UBAC2: variants seen among roughly 807,000 people sequenced by gnomAD.
UBAC2 encodes UBA domain containing 2.
In UBAC2, 26 loss-of-function variants were observed where a neutral mutation model predicts 44.0. That is an observed-to-expected ratio of 0.59 (90% CI 0.43 to 0.82). The LOEUF is 0.82. UBAC2 is among the 40% of genes least tolerant of loss of function. The probability of loss-of-function intolerance (pLI) is 0.00; values close to 1 mark genes in which losing one functional copy is unlikely to be tolerated. For missense variants in UBAC2, 329 were observed against 419.4 expected, an observed-to-expected ratio of 0.78 and a Z score of 1.88; for synonymous variants, 155 against 154.3, an observed-to-expected ratio of 1.00 and a Z score of -0.04.
At chr13:99,271,646 G>A (rs2043817311) in intron 4 of UBAC2, among the ~76,000 whole-genome samples, 1 of 152,132 alleles carries the variant, frequency 6.6e-6, no homozygotes, top group African/African-American at 2.4e-5. Flanking sequence ...TACATACTTA[G>A]AGTTTTTAAA....
At chr13:99,328,133 G>C (rs543382716) in intron 6 of UBAC2, among the ~76,000 whole-genome samples, 1 of 152,170 alleles carries the variant, frequency 6.6e-6, no homozygotes, top group South Asian at 2.1e-4. Flanking sequence ...TCTTTCACTT[G>C]AACATGAAAA....
chr13:99,337,591 A>T (rs1337578624), intron 6 of UBAC2, among the ~76,000 whole-genome samples: 1 of 152,006 alleles, frequency 6.6e-6, no homozygotes, highest in Admixed American at 6.5e-5. Context: ...TTCTTTCTTT[A>T]TTCTAGAAAA....
chr13:99,342,392 G>A (rs1193866555), intron 7 of UBAC2, among the ~76,000 whole-genome samples: 1 of 152,116 alleles, frequency 6.6e-6, no homozygotes, highest in African/African-American at 2.4e-5. Flanking sequence ...GCAAGGGGTG[G>A]GAGACAGTGT....
At chr13:99,215,637 G>T (rs768253462) in intron 1 of UBAC2, 1 of 1,338,482 alleles carries the variant, frequency 7.5e-7, no homozygotes, top group East Asian at 2.3e-5. Flanking sequence ...GTGACCCGTC[G>T]TCCTAGATTT....
intron 4 of UBAC2, among the ~76,000 whole-genome samples, chr13:99,252,221 T>A (rs2043466851): frequency 6.6e-6 from 1 of 152,264 alleles, no homozygotes. Flanking sequence ...GGATTAATTG[T>A]CCTTATATGT....
intron 4 of UBAC2, among the ~76,000 whole-genome samples, chr13:99,310,239 A>T (rs1228476992): frequency 6.6e-6 from 1 of 152,172 alleles, no homozygotes; most frequent in African/African-American, 2.4e-5. Flanking sequence ...AGGCGAGAAG[A>T]TTGCTTGAGC....
At chr13:99,229,412 G>A (rs532459561) in intron 1 of UBAC2, among the ~76,000 whole-genome samples, 2 of 152,342 alleles carry the variant, frequency 1.3e-5, no homozygotes, top group South Asian at 4.1e-4. Flanking sequence ...ACATGTTCAG[G>A]AGGTAGTGAG....
intron 8 of UBAC2, chr13:99,372,156 A>T (rs1053678951): frequency 3.3e-5 from 5 of 152,300 alleles, no homozygotes; most frequent in African/African-American, 7.2e-5. Context: ...CTGGCCTGCT[A>T]GCTAGACAGT....
At position 99,386,376 on chromosome 13, in the gene UBAC2, A is replaced by G. The variant is rs2045620932; in HGVS notation, c.*1041A>G. 6.6e-6 allele frequency: 1 copy of G among 152,264 alleles called. No homozygotes were observed. Among genetic ancestry groups the G allele is most frequent in the Non-Finnish European group, 1.5e-5 (1 of 68,052 alleles). 9.4% of individuals were successfully genotyped at this position (152,264 alleles called of 1,614,324 possible). ...TGCAAAATGAGCAACGATGTATCAA[A>G]TTGATGCAAATTTAGATGTTGATAC... On this transcript the variant is annotated 3_prime_UTR_variant, in exon 9 of 9. Coordinates refer to ENST00000403766, the MANE Select transcript of UBAC2 (RefSeq NM_001144072.2).
rs558561466 is a variant in UBAC2, at chr13:99,329,653, G to C, written c.562-10667G>C. Among the ~76,000 whole-genome samples, 13 of 152,318 alleles carry C rather than the reference G, an allele frequency of 8.5e-5. No homozygotes were observed. In the South Asian group the frequency reaches 2.7e-3, roughly 32 times the overall value. On this transcript the variant is annotated intron_variant, in intron 6 of 8. Coordinates refer to ENST00000403766, the MANE Select transcript of UBAC2 (RefSeq NM_001144072.2). The stretch of plus-strand genomic sequence containing the variant: ...GGACTCTTAAGCAGACCTGTGGAGA[G>C]GTCCACATGGCCAACAATCGTGGCC...
At chr13:99,247,479 G>A (rs1170446672) in intron 4 of UBAC2, among the ~76,000 whole-genome samples, 3 of 152,016 alleles carry the variant, frequency 2.0e-5, no homozygotes, top group African/African-American at 7.3e-5. Context: ...CTCCCAAAGT[G>A]CTGGGATTAC....
chr13:99,364,784 G>T (rs192861984), intron 7 of UBAC2, among the ~76,000 whole-genome samples: 1 of 152,080 alleles, frequency 6.6e-6, no homozygotes, highest in Non-Finnish European at 1.5e-5. Flanking sequence ...ATGTCATTCT[G>T]GTTCATTCAT....
In UBAC2 at chr13:99,378,120, T is replaced by C. The variant is rs958055768; in HGVS notation, c.928-7108T>C. Among the ~76,000 whole-genome samples, 5 of 152,354 alleles carry C rather than the reference T, an allele frequency of 3.3e-5. No individual in the cohort carries two copies. In the East Asian group the frequency reaches 9.6e-4, roughly 29 times the overall value. The stretch of plus-strand genomic sequence containing the variant: ...TCTGTAGACACTTTTTCTGCAGCGT[T>C]AGCATCATCTCCATCATCACTGTTG... On this transcript the variant is annotated intron_variant, in intron 8 of 8. Transcript: ENST00000403766.
intron 1 of UBAC2, among the ~76,000 whole-genome samples, chr13:99,232,399 G>GAGAGATAT (rs1367302629): frequency 9.1e-6 from 1 of 109,902 alleles, no homozygotes; most frequent in East Asian, 2.9e-4. Flanking sequence ...TTAGTTGAGA[G>GAGAGATAT]ATATAGATAT....
At chr13:99,302,780 T>C (rs1392122946) in intron 4 of UBAC2, among the ~76,000 whole-genome samples, 52 of 152,120 alleles carry the variant, frequency 3.4e-4, no homozygotes, top group Admixed American at 3.4e-3. Flanking sequence ...TAAAGTCAAA[T>C]TGTCCATTCT....
intron 7 of UBAC2, among the ~76,000 whole-genome samples, chr13:99,366,602 C>T (rs7997823): frequency 0.21 from 30,822 of 149,856 alleles, 3,474 homozygotes; most frequent in Middle Eastern, 0.35. Context: ...CTGCTGTCTC[C>T]GGGGGAAGAC....
At chr13:99,287,820 A>G (rs2044039735) in intron 4 of UBAC2, among the ~76,000 whole-genome samples, 1 of 151,972 alleles carries the variant, frequency 6.6e-6, no homozygotes, top group East Asian at 1.9e-4. Flanking sequence ...AATAATGTTC[A>G]ACTTTAGGAC....
chr13:99,359,392 T>C (rs1299673185), intron 7 of UBAC2, among the ~76,000 whole-genome samples: 2 of 152,228 alleles, frequency 1.3e-5, no homozygotes, highest in Non-Finnish European at 2.9e-5. Context: ...CATTAGTAGA[T>C]GTGATAATTT....
chr13:99,282,206 G>A (rs1226961562), intron 4 of UBAC2, among the ~76,000 whole-genome samples: 1 of 143,354 alleles, frequency 7.0e-6, no homozygotes, highest in Non-Finnish European at 1.5e-5. Context: ...AATGTCTCCA[G>A]ATAATGCCAA....
Sources: gnomAD v4.1 joint callset for allele counts (sites outside exome capture counted in the v4.1 genomes callset) on GRCh38, gnomAD v4.1.1 for gene constraint, MANE v1.5 for transcripts, NCBI Gene and HGNC (gene_info 2026-07-23, HGNC 2026-07-21) for gene names.